The following SKP1 variants were observed in gnomAD, a reference collection of about 807,000 sequenced individuals.
SKP1 encodes the protein S-phase kinase associated protein 1.
In SKP1, 1 loss-of-function variant was observed where a neutral mutation model predicts 21.5. The ratio of observed to expected loss-of-function variants is 0.05; its 90% CI spans 0.02 to 0.22. The LOEUF (loss-of-function observed/expected upper bound fraction) is 0.22, where lower values mean the gene tolerates loss of function less well. SKP1 is among the 10% of genes least tolerant of loss of function. The pLI is 1.00. For missense variants in SKP1, 70 were observed against 192.0 expected (o/e 0.36, Z 3.76); for synonymous variants, 59 against 59.3 (o/e 0.99, Z 0.03).
At chr5:134,168,734 T>C (rs1416328997) in intron 2 of SKP1, among the ~76,000 whole-genome samples, 1 of 152,054 alleles carries the variant, frequency 6.6e-6, no homozygotes, top group East Asian at 1.9e-4. Flanking sequence ...AAGTAGAATG[T>C]GAAAAGAGTC....
chr5:134,173,665 C>T (rs939981214), intron 2 of SKP1: 58 of 542,680 alleles, frequency 1.1e-4, no homozygotes, highest in Non-Finnish European at 2.8e-5. Flanking sequence ...TTAACCATTG[C>T]CTAAGGCTTG....
Position 134,152,095 on chromosome 5 carries a change from T to C in SKP1, c.*5638A>G, listed in dbSNP as rs1214875801. ...CTGTGACCACTGGAGGTAGTGATTTTTAACAACAGTAAACAAGAAAAAGTC... is the reference window on the plus strand; with the variant it reads ...CTGTGACCACTGGAGGTAGTGATTTCTAACAACAGTAAACAAGAAAAAGTC... On this transcript the variant is annotated 3_prime_UTR_variant, in exon 6 of 6. Coordinates refer to ENST00000353411, the MANE Select transcript of SKP1 (RefSeq NM_170679.3). The C allele has an allele frequency of 6.6e-6, 1 of 152,662 alleles. No individual in the cohort carries two copies. Among genetic ancestry groups the C allele is most frequent in the Admixed American group, 6.5e-5 (1 of 15,320 alleles). The allele number at this position is 152,662 out of a possible 1,614,324, so 9.5% of individuals were successfully genotyped here.
At chr5:134,157,862 T>G in intron 5 of SKP1, 94 bp from the exon 6 acceptor site, 1 of 1,609,354 alleles carries the variant, frequency 6.2e-7, no homozygotes, top group Non-Finnish European at 8.5e-7. Flanking sequence ...AGCCAGTGAG[T>G]TGAGTCAGAA....
At chr5:134,172,017 C>A (rs1362929299) in intron 2 of SKP1, among the ~76,000 whole-genome samples, 1 of 152,214 alleles carries the variant, frequency 6.6e-6, no homozygotes. Flanking sequence ...GCACACCAGG[C>A]TGGGCAACAA....
At chr5:134,159,769 G>A (rs1011752836) in intron 4 of SKP1, among the ~76,000 whole-genome samples, 5 of 151,968 alleles carry the variant, frequency 3.3e-5, no homozygotes, top group Non-Finnish European at 7.4e-5. Flanking sequence ...GGATGGTCTC[G>A]ATTTCCTGAC....
intron 2 of SKP1, among the ~76,000 whole-genome samples, chr5:134,173,115 CT>C: frequency 6.6e-6 from 1 of 151,880 alleles, no homozygotes; most frequent in Non-Finnish European, 1.5e-5. Flanking sequence ...GGCGGATCAC[CT>C]GAGGTCGGGA....
At chr5:134,175,071 A>G (rs1377101303) in intron 1 of SKP1, 1 of 152,224 alleles carries the variant, frequency 6.6e-6, no homozygotes, top group Non-Finnish European at 1.5e-5. Flanking sequence ...TGTATTACAA[A>G]TCGCATATAT....
At position 134,153,429 on chromosome 5, in the gene SKP1, T is replaced by G. The variant is rs1174935111; in HGVS notation, c.*4304A>C. On this transcript the variant is annotated 3_prime_UTR_variant, in exon 6 of 6. Coordinates refer to ENST00000353411, the MANE Select transcript of SKP1 (RefSeq NM_170679.3). ...CCAAGAGTTCGAGGCTGCAATGAGC[T>G]GTGATCACATCACTGCACTCCAGCC... The G allele has an allele frequency of 6.5e-6, 1 of 152,836 alleles. No homozygotes were observed. Among genetic ancestry groups the G allele is most frequent in the Non-Finnish European group, 1.5e-5 (1 of 68,604 alleles). The allele number at this position is 152,836 out of a possible 1,614,324, so 9.5% of individuals were successfully genotyped here. A position where few individuals can be genotyped will look rare whatever the true frequency, so the allele number is the denominator to read the frequency against.
intron 2 of SKP1, among the ~76,000 whole-genome samples, chr5:134,170,319 A>G (rs1761417760): frequency 6.6e-6 from 1 of 152,224 alleles, no homozygotes. Flanking sequence ...TAAATCCTCT[A>G]GCATTTAAAG....
At chr5:134,167,658 G>A (rs1055528715) in intron 2 of SKP1, among the ~76,000 whole-genome samples, 1 of 151,986 alleles carries the variant, frequency 6.6e-6, no homozygotes. Flanking sequence ...CGAGTAGCTG[G>A]GACTATAGGC....
Position 134,174,013 on chromosome 5 carries a change from T to C in SKP1, c.10A>G (p.Ile4Val), listed in dbSNP as rs1761492261. 1.9e-6 allele frequency: 3 copies of C among 1,594,966 alleles called. No homozygotes were observed. Among genetic ancestry groups the C allele is most frequent in the Non-Finnish European group, 2.6e-6 (3 of 1,163,424 alleles). Residue 4 changes from isoleucine to valine, a missense_variant, in exon 2 of 6, where the codon ATT becomes GTT. Ile to Val is a conservative substitution (Grantham distance 29). Transcript: ENST00000353411. ...TCTCCATCAGAACTCTGCAACTTAA[T>C]TGAAGGCATCTAAAAAAAAAGGACA... MPS[I>V]KLQSSDGEIF...
chr5:134,167,029 A>G (rs1168955531), intron 3 of SKP1, 141 bp downstream of exon 3: 1 of 598,008 alleles, frequency 1.7e-6, no homozygotes, highest in Non-Finnish European at 3.0e-6. Flanking sequence ...TCACTCAAGT[A>G]AGTGTTTAAG....
rs757717245 is a variant in SKP1 at position 134,161,008 on chromosome 5, T to C, written c.294A>G (p.Gly98=). ...WDQEFLKVDQ[G]TLFELILAAN... ...TTACCAGAATGAGTTCAAAAAGTGT[T>C]CCTTGGTCAACTTTCAGGAATTCTT... is the stretch of plus-strand genomic sequence containing the variant. The change falls in exon 4 of 6, where the codon GGA becomes GGG. Residue 98 remains glycine, a synonymous_variant. Coordinates refer to ENST00000353411, the MANE Select transcript of SKP1 (RefSeq NM_170679.3). 6.2e-7 allele frequency: 1 copy of C among 1,612,142 alleles called. No homozygotes were observed. Among genetic ancestry groups the C allele is most frequent in the Non-Finnish European group, 8.5e-7 (1 of 1,179,448 alleles).
At chr5:134,158,192 G>C (rs1049576729) in intron 5 of SKP1, 34 of 1,400,216 alleles carry the variant, frequency 2.4e-5, no homozygotes, top group Non-Finnish European at 3.1e-5. Context: ...AAAGTTGCAG[G>C]TGCCAAAACT....
intron 3 of SKP1, among the ~76,000 whole-genome samples, chr5:134,166,314 G>A (rs571825220): frequency 2.0e-5 from 3 of 151,600 alleles, no homozygotes; most frequent in South Asian, 4.2e-4. Context: ...TGGGCGCGGT[G>A]GCTCACACCT....
chr5:134,151,671 CAGAT>C lies in SKP1; in HGVS notation c.*6058_*6061del. ...ATACTTCCAGAAAATTTAAAGTTGA[CAGAT>C]ATCAGAAGGTCGCAAGAACTACAGA... On this transcript the variant is annotated 3_prime_UTR_variant, in exon 6 of 6. Transcript: ENST00000353411. 1 of 456,096 alleles carries C rather than the reference CAGAT, an allele frequency of 2.2e-6. No homozygotes were observed. Among genetic ancestry groups the C allele is most frequent in the Non-Finnish European group, 4.4e-6 (1 of 226,882 alleles). 28.3% of individuals were successfully genotyped at this position (456,096 alleles called of 1,614,324 possible). A position where few individuals can be genotyped will look rare whatever the true frequency, so the allele number is the denominator to read the frequency against.
chr5:134,166,519 T>C (rs1194754981), intron 3 of SKP1, among the ~76,000 whole-genome samples: 1 of 127,250 alleles, frequency 7.9e-6, no homozygotes, highest in African/African-American at 3.0e-5. Context: ...AGGCAGAGGT[T>C]GCAGTGAGCC....
intron 2 of SKP1, among the ~76,000 whole-genome samples, chr5:134,169,272 T>A (rs1394515164): frequency 6.6e-6 from 1 of 152,172 alleles, no homozygotes; most frequent in Non-Finnish European, 1.5e-5. Context: ...CATGTTATCT[T>A]GCATGGATGG....
In SKP1 at chr5:134,154,527, T is replaced by C. The variant is rs1761094547; in HGVS notation, c.*3206A>G. 7.0e-6 allele frequency: 1 copy of C among 143,310 alleles called. No individual in the cohort carries two copies. The highest frequency in any genetic ancestry group is 1.5e-5 in the Non-Finnish European group (1 of 65,958). 8.9% of individuals were successfully genotyped at this position (143,310 alleles called of 1,614,324 possible). Reference sequence around the variant, plus strand: ...GCCTATGACAATGTTAAGGAGAAAATAATAAGCTAACATTCAGGAAGGTTT... The same window carrying C: ...GCCTATGACAATGTTAAGGAGAAAACAATAAGCTAACATTCAGGAAGGTTT... On this transcript the variant is annotated 3_prime_UTR_variant, in exon 6 of 6. Transcript: ENST00000353411.
Sources: gnomAD v4.1 joint callset for allele counts (sites outside exome capture counted in the v4.1 genomes callset) on GRCh38, gnomAD v4.1.1 for gene constraint, MANE v1.5 for transcripts, NCBI Gene and HGNC (gene_info 2026-07-23, HGNC 2026-07-21) for gene names.